R3HCC1L: variants seen among roughly 807,000 people sequenced by gnomAD.
The protein encoded by R3HCC1L is coiled-coil domain-containing protein R3HCC1L.
Under a neutral mutation model 59.9 loss-of-function variants are expected in R3HCC1L, and 51 were observed. The ratio of observed to expected loss-of-function variants is 0.85; its 90% CI spans 0.68 to 1.07. The LOEUF (loss-of-function observed/expected upper bound fraction) is 1.07, where lower values mean the gene tolerates loss of function less well. Among genes scored for constraint, R3HCC1L ranks in the 50% least tolerant of loss-of-function variants. R3HCC1L has a pLI of 0.00. For missense variants in R3HCC1L, 965 were observed against 933.0 expected (o/e 1.03, Z -0.45); for synonymous variants, 322 against 315.2 (o/e 1.02, Z -0.23).
intron 1 of R3HCC1L, among the ~76,000 whole-genome samples, chr10:98,144,624 AC>A (rs1845481514): frequency 6.6e-6 from 1 of 152,170 alleles, no homozygotes; most frequent in African/African-American, 2.4e-5. Context: ...GTTATAGGAT[AC>A]CTCTGGGCTT....
chr10:98,206,036 AC>A (rs904340544), intron 4 of R3HCC1L, among the ~76,000 whole-genome samples: 2 of 152,308 alleles, frequency 1.3e-5, no homozygotes, highest in Admixed American at 1.3e-4. Flanking sequence ...AAACATAGAA[AC>A]ATAAACAAGA....
In R3HCC1L at chr10:98,208,812, T is replaced by C; in HGVS notation, c.698T>C (p.Met233Thr). The C allele has an allele frequency of 6.2e-7, 1 of 1,614,056 alleles. No homozygotes were observed. Among genetic ancestry groups the C allele is most frequent in the Non-Finnish European group, 8.5e-7 (1 of 1,179,978 alleles). ...VFSSVMKPEN[M>T]IVPIKLSSDS... ...AGTTCTGTCATGAAACCTGAGAATA[T>C]GATTGTACCAATAAAACTAAGCTCT... is the stretch of plus-strand genomic sequence containing the variant. Residue 233 changes from methionine (M) to threonine (T), a missense_variant, in exon 5 of 10, where the codon ATG (methionine) becomes ACG (threonine). Transcript: ENST00000298999.
At chr10:98,239,562 T>G (rs1329856189) in intron 9 of R3HCC1L, among the ~76,000 whole-genome samples, 1 of 152,214 alleles carries the variant, frequency 6.6e-6, no homozygotes, top group East Asian at 1.9e-4. Flanking sequence ...TTGTAAATCT[T>G]GACTCTACTC....
intron 4 of R3HCC1L, among the ~76,000 whole-genome samples, chr10:98,197,214 C>T (rs374507253): frequency 2.0e-5 from 3 of 152,028 alleles, no homozygotes; most frequent in East Asian, 1.9e-4. Context: ...CATGCCCCCC[C>T]CTCCACCCCT....
chr10:98,173,781 A>G (rs1304630191), intron 4 of R3HCC1L, among the ~76,000 whole-genome samples: 1 of 151,944 alleles, frequency 6.6e-6, no homozygotes, highest in Non-Finnish European at 1.5e-5. Flanking sequence ...TAAGCTATCT[A>G]TCTCCATAAT....
Position 98,208,198 on chromosome 10 carries a change from A to G in R3HCC1L, c.84A>G (p.Ala28=), listed in dbSNP as rs776186337. The change falls in exon 5 of 10, where the codon GCA becomes GCG. Residue 28 remains alanine (A), a synonymous_variant. Coordinates refer to ENST00000298999, the MANE Select transcript of R3HCC1L (RefSeq NM_001351015.2). ...ATGTACCTAAAGCTCGTAGGGGTGC[A>G]GTACTCCTTAAGACAGGTGATGAAG... ...ALYVPKARRG[A]VLLKTGDEEE... is the part of the protein sequence containing the mutation. 6.2e-7 allele frequency: 1 copy of G among 1,614,132 alleles called. No homozygotes were observed. Among genetic ancestry groups the G allele is most frequent in the Admixed American group, 1.7e-5 (1 of 59,998 alleles).
At chr10:98,213,160 A>G (rs1853779987) in intron 5 of R3HCC1L, among the ~76,000 whole-genome samples, 1 of 152,210 alleles carries the variant, frequency 6.6e-6, no homozygotes, top group South Asian at 2.1e-4. Flanking sequence ...TAACATACAA[A>G]GAGAGGAAAG....
At chr10:98,211,123 G>A (rs565278442) in intron 5 of R3HCC1L, among the ~76,000 whole-genome samples, 3 of 152,104 alleles carry the variant, frequency 2.0e-5, no homozygotes, top group Non-Finnish European at 2.9e-5. Context: ...GCATCCATGA[G>A]CCCCTTGAAT....
intron 2 of R3HCC1L, among the ~76,000 whole-genome samples, chr10:98,157,082 CT>C (rs1315865796): frequency 6.6e-6 from 1 of 152,128 alleles, no homozygotes; most frequent in Non-Finnish European, 1.5e-5. Context: ...GGCATAGTTT[CT>C]TTTTTCTCCT....
intron 4 of R3HCC1L, chr10:98,174,830 A>C (rs1423778937): frequency 1.1e-6 from 1 of 929,560 alleles, no homozygotes; most frequent in Admixed American, 6.2e-5. Flanking sequence ...AAAGTCTAGA[A>C]AAAAATGTAT....
rs1170906010 is a variant in R3HCC1L, at chr10:98,235,451, A to G, written c.2059A>G (p.Thr687Ala). 6.2e-7 allele frequency: 1 copy of G among 1,613,524 alleles called. No individual in the cohort carries two copies. Among genetic ancestry groups the G allele is most frequent in the East Asian group, 2.2e-5 (1 of 44,876 alleles). The part of the protein sequence containing the change: ...TARDALGIKH[T>A]MVKIRPLSQA... ...TCGTGATGCGTTGGGTATTAAACAC[A>G]CCATGGTGAAGATTCGTCCCTTGTC... is the stretch of plus-strand genomic sequence containing the variant. The change falls in exon 8 of 10, where the codon ACC (threonine) becomes GCC (alanine). Residue 687 changes from threonine to alanine, a missense_variant. Physicochemically the swap from Thr to Ala is moderately conservative, Grantham distance 58. Coordinates refer to ENST00000298999, the MANE Select transcript of R3HCC1L (RefSeq NM_001351015.2).
At chr10:98,145,815 G>A (rs1845593591) in intron 1 of R3HCC1L, among the ~76,000 whole-genome samples, 1 of 152,034 alleles carries the variant, frequency 6.6e-6, no homozygotes, top group African/African-American at 2.4e-5. Flanking sequence ...TGGGTGTGGT[G>A]GTGCATGCCT....
intron 5 of R3HCC1L, among the ~76,000 whole-genome samples, chr10:98,213,318 G>A (rs1853798045): frequency 6.6e-6 from 1 of 152,110 alleles, no homozygotes; most frequent in South Asian, 2.1e-4. Context: ...TATGTTAAAG[G>A]CACTGTGCTG....
intron 1 of R3HCC1L, among the ~76,000 whole-genome samples, chr10:98,146,664 GTTTTAC>G (rs533223160): frequency 1.1e-3 from 172 of 152,176 alleles, no homozygotes; most frequent in African/African-American, 3.9e-3. Flanking sequence ...AACATTTTTT[GTTTTAC>G]TTTTAAATTA....
At chr10:98,201,910 G>A (rs989940984) in intron 4 of R3HCC1L, among the ~76,000 whole-genome samples, 1 of 149,724 alleles carries the variant, frequency 6.7e-6, no homozygotes, top group Non-Finnish European at 1.5e-5. Context: ...TTAAAGAGAC[G>A]GGGTCTCACT....
intron 1 of R3HCC1L, among the ~76,000 whole-genome samples, chr10:98,145,147 A>C: frequency 6.6e-6 from 1 of 152,268 alleles, no homozygotes; most frequent in East Asian, 1.9e-4. Flanking sequence ...GTTGAGAGTC[A>C]TATAATGAAA....
At chr10:98,223,718 GGGATGA>G (rs1855329830) in intron 5 of R3HCC1L, among the ~76,000 whole-genome samples, 1 of 151,928 alleles carries the variant, frequency 6.6e-6, no homozygotes, top group South Asian at 2.1e-4. Context: ...AACTTTGCTG[GGGATGA>G]GGACACCAGG....
At chr10:98,137,820 ATCTT>A (rs1303094319) in intron 1 of R3HCC1L, among the ~76,000 whole-genome samples, 2 of 152,234 alleles carry the variant, frequency 1.3e-5, no homozygotes, top group African/African-American at 4.8e-5. Flanking sequence ...GCAATTATCT[ATCTT>A]TATGACTCAG....
chr10:98,174,380 A>G (rs1351361714), intron 4 of R3HCC1L: 6 of 448,828 alleles, frequency 1.3e-5, no homozygotes, highest in Admixed American at 6.4e-5. Context: ...TAAAATTAGT[A>G]TAAGATCTAA....
Sources: allele counts gnomAD v4.1 joint callset (sites outside exome capture counted in the v4.1 genomes callset), GRCh38; gene constraint gnomAD v4.1.1; transcripts MANE v1.5; gene names NCBI Gene and HGNC (gene_info 2026-07-23, HGNC 2026-07-21).